Variants in BLVRA observed in about 807,000 individuals in gnomAD.
BLVRA encodes biliverdin reductase A, also known as BVR A.
BLVRA carries 22 observed loss-of-function variants against 32.8 expected under a neutral mutation model. The ratio of observed to expected loss-of-function variants is 0.67; its 90% CI spans 0.48 to 0.96. The LOEUF is 0.96. Ranked by LOEUF, BLVRA falls within the 40% of genes least tolerant of loss-of-function variation. The pLI is 0.00. For synonymous variants in BLVRA, 119 were observed against 141.3 expected (o/e 0.84, Z 1.12); for missense variants, 323 against 358.1 (o/e 0.90, Z 0.79).
upstream of BLVRA, among the ~76,000 whole-genome samples, chr7:43,758,374 C>T (rs1054889290): frequency 6.6e-6 from 1 of 152,084 alleles, no homozygotes; most frequent in Non-Finnish European, 1.5e-5. Context: ...GGGGGCCAGG[C>T]ACACCGTGAG....
intron 2 of BLVRA, among the ~76,000 whole-genome samples, chr7:43,774,415 T>C (rs1305205546): frequency 6.6e-6 from 1 of 152,234 alleles, no homozygotes; most frequent in Non-Finnish European, 1.5e-5. Flanking sequence ...CCATTGCTTG[T>C]TTTTGTCGGG....
chr7:43,803,575 G>T lies in BLVRA; in HGVS notation c.461-101G>T. 3.0e-6 allele frequency: 4 copies of T among 1,338,868 alleles called. No homozygotes were observed. The South Asian group carries it at 3.5e-5, about 12-fold the overall frequency. 82.9% of individuals were successfully genotyped at this position (1,338,868 alleles called of 1,614,324 possible). ...CAAGGTCCCATTGTACTGATCACTC[G>T]GCCACATCTTTTCACACCCCCGCCA... On this transcript the variant is annotated intron_variant, in intron 6 of 7. Transcript: ENST00000265523.
At chr7:43,806,035 G>A (rs143579732) in intron 7 of BLVRA, among the ~76,000 whole-genome samples, 366 of 152,358 alleles carry the variant, frequency 2.4e-3, no homozygotes, top group African/African-American at 7.3e-3. Flanking sequence ...ATGAGAGGCC[G>A]GGCACAATGG....
chr7:43,778,461 T>C (rs1229706178), intron 2 of BLVRA, among the ~76,000 whole-genome samples: 1 of 152,200 alleles, frequency 6.6e-6, no homozygotes, highest in Non-Finnish European at 1.5e-5. Flanking sequence ...CAGCGGTGGC[T>C]GTAGAACAGC....
At chr7:43,781,623 G>A (rs1435263844) in intron 2 of BLVRA, among the ~76,000 whole-genome samples, 2 of 152,216 alleles carry the variant, frequency 1.3e-5, no homozygotes, top group Non-Finnish European at 2.9e-5. Context: ...ACAGGCATGA[G>A]CCACAGTGCC....
At chr7:43,795,210 C>T (rs901066360) in intron 5 of BLVRA, among the ~76,000 whole-genome samples, 24 of 151,320 alleles carry the variant, frequency 1.6e-4, no homozygotes, top group Non-Finnish European at 3.1e-4. Flanking sequence ...GACTCCATCT[C>T]AGAAATTAAA....
At chr7:43,803,430 T>C (rs1283577361) in intron 6 of BLVRA, among the ~76,000 whole-genome samples, 1 of 152,210 alleles carries the variant, frequency 6.6e-6, no homozygotes, top group East Asian at 1.9e-4. Flanking sequence ...GTAGAATGTT[T>C]TACTAAAACT....
intron 6 of BLVRA, 58 bp from the exon 7 acceptor site, chr7:43,803,618 T>G: frequency 6.7e-5 from 51 of 760,070 alleles, no homozygotes; most frequent in Non-Finnish European, 9.7e-5. Flanking sequence ...CCCCCTGTCC[T>G]GCTTTCCACT....
chr7:43,789,876 C>CGTGTGT (rs141385505), intron 3 of BLVRA, among the ~76,000 whole-genome samples: 4,902 of 149,096 alleles, frequency 0.033, 102 homozygotes, highest in Non-Finnish European at 0.051. Context: ...GTGGTATGTA[C>CGTGTGT]GTGTGTGTGT....
intron 1 of BLVRA, among the ~76,000 whole-genome samples, chr7:43,770,386 C>T (rs564218801): frequency 1.3e-5 from 2 of 152,288 alleles, no homozygotes; most frequent in Admixed American, 1.3e-4. Context: ...TGGCTCCTGA[C>T]CGTCTGTGTG....
At chr7:43,767,179 A>G in intron 1 of BLVRA, 1 of 552,016 alleles carries the variant, frequency 1.8e-6, no homozygotes, top group Non-Finnish European at 3.2e-6. Flanking sequence ...AATAAAGTTC[A>G]TAAGTAATGT....
intron 2 of BLVRA, among the ~76,000 whole-genome samples, chr7:43,776,093 T>C (rs1004276034): frequency 6.6e-6 from 1 of 152,216 alleles, no homozygotes; most frequent in African/African-American, 2.4e-5. Context: ...AAAAACCAGC[T>C]CCTGGATTCA....
chr7:43,784,681 G>A (rs148199782), intron 2 of BLVRA, among the ~76,000 whole-genome samples: 2 of 135,572 alleles, frequency 1.5e-5, no homozygotes. Context: ...TTGGCTCACC[G>A]CAACCCCTGC....
intron 6 of BLVRA, among the ~76,000 whole-genome samples, chr7:43,800,947 G>T (rs1230902016): frequency 6.6e-6 from 1 of 151,976 alleles, no homozygotes; most frequent in Non-Finnish European, 1.5e-5. Context: ...AAGGACATTG[G>T]CAGCAACCAC....
chr7:43,803,301 G>A (rs1364165355), intron 6 of BLVRA, among the ~76,000 whole-genome samples: 2 of 95,090 alleles, frequency 2.1e-5, no homozygotes, highest in Non-Finnish European at 4.2e-5. Context: ...TGTATATGTA[G>A]GTATGTGTTG....
chr7:43,805,593 T>G (rs2095803274), intron 7 of BLVRA, among the ~76,000 whole-genome samples: 1 of 152,110 alleles, frequency 6.6e-6, no homozygotes, highest in Admixed American at 6.5e-5. Flanking sequence ...CTGGCTCTCA[T>G]TTTTGCACAG....
chr7:43,792,907 C>T, intron 5 of BLVRA, 95 bp downstream of exon 5: 2 of 1,198,164 alleles, frequency 1.7e-6, no homozygotes, highest in Non-Finnish European at 1.2e-6. Context: ...ATCTCCTCCT[C>T]CTGGCTACAC....
intron 7 of BLVRA, 151 bp from the exon 8 acceptor site, chr7:43,806,826 C>T: frequency 1.2e-6 from 1 of 802,670 alleles, no homozygotes; most frequent in East Asian, 2.5e-5. Context: ...GTGAGGTTGA[C>T]ACAGTCACCC....
Position 43,787,182 on chromosome 7 carries a change from C to T in BLVRA, c.13-722C>T, listed in dbSNP as rs2095778801. Among the ~76,000 whole-genome samples the T allele has an allele frequency of 6.6e-6, 1 of 152,088 alleles. No homozygotes were observed. The highest frequency in any genetic ancestry group is 2.1e-4 in the South Asian group (1 of 4,818). On this transcript the variant is annotated intron_variant, in intron 2 of 7. Coordinates refer to ENST00000265523, the MANE Select transcript of BLVRA (RefSeq NM_000712.4). The surrounding 1 kb of genome is among the most constrained non-coding windows in gnomAD (Gnocchi z 4.5). ...AAGTGATCCACCTGCCTCGGCCTCC[C>T]AAAGTGCTGGGATTACAGGCGTGAG...
Sources: gnomAD v4.1 joint callset for allele counts (sites outside exome capture counted in the v4.1 genomes callset) on GRCh38, gnomAD v4.1.1 for gene constraint, Gnocchi (gnomAD v3.1) non-coding constraint, MANE v1.5 for transcripts, NCBI Gene and HGNC (gene_info 2026-07-23, HGNC 2026-07-21) for gene names.